Variants in CGNL1 observed in about 807,000 individuals in gnomAD.
CGNL1 encodes cingulin like 1.
Under a neutral mutation model 141.2 loss-of-function variants are expected in CGNL1, and 132 were observed. The ratio of observed to expected loss-of-function variants is 0.93; its 90% CI spans 0.81 to 1.08. The LOEUF (loss-of-function observed/expected upper bound fraction) is 1.08. Among genes scored for constraint, CGNL1 ranks in the 50% least tolerant of loss-of-function variants. CGNL1 has a pLI of 0.00. For synonymous variants in CGNL1, 690 were observed against 622.1 expected, an observed-to-expected ratio of 1.11 and a Z score of -1.63; for missense variants, 1,870 against 1,588.6, an observed-to-expected ratio of 1.18 and a Z score of -3.01.
At chr15:57,387,937 C>T (rs1445945953) in intron 1 of CGNL1, among the ~76,000 whole-genome samples, 1 of 152,250 alleles carries the variant, frequency 6.6e-6, no homozygotes, top group East Asian at 1.9e-4. Context: ...ACATTCTTGG[C>T]TATCCTGCCC....
chr15:57,483,240 A>C (rs549195081), intron 8 of CGNL1, among the ~76,000 whole-genome samples: 1 of 152,112 alleles, frequency 6.6e-6, no homozygotes, highest in African/African-American at 2.4e-5. Context: ...TGCTTTCATC[A>C]TTTGATTTTG....
chr15:57,523,985 A>T (rs1250914423), intron 11 of CGNL1, among the ~76,000 whole-genome samples: 1 of 152,162 alleles, frequency 6.6e-6, no homozygotes, highest in African/African-American at 2.4e-5. Flanking sequence ...TTGCTTGTCC[A>T]GGAGTGTGAA....
chr15:57,473,954 G>T (rs1056259868), intron 8 of CGNL1, among the ~76,000 whole-genome samples: 4 of 133,540 alleles, frequency 3.0e-5, no homozygotes, highest in Admixed American at 1.7e-4. Flanking sequence ...CTGTTGCCCA[G>T]GCTGGAGTGC....
intron 8 of CGNL1, among the ~76,000 whole-genome samples, chr15:57,464,939 A>G (rs2152337132): frequency 6.6e-6 from 1 of 151,684 alleles, no homozygotes; most frequent in East Asian, 1.9e-4. Flanking sequence ...TTTAGTAGAG[A>G]TGGGCTTTCG....
At position 57,419,012 on chromosome 15, in the gene CGNL1, C is replaced by A. The variant is rs995882142; in HGVS notation, c.-15-18973C>A. On this transcript the variant is annotated intron_variant, in intron 1 of 18. Transcript: ENST00000281282. Reference sequence around the variant, plus strand: ...GCGCAATCTCGGCTCACTGCAACCTCCGCCTCCCGGATTCAAGCAATTCTC... The same window carrying A: ...GCGCAATCTCGGCTCACTGCAACCTACGCCTCCCGGATTCAAGCAATTCTC... Among the ~76,000 whole-genome samples, 6 of 152,012 alleles carry A rather than the reference C, an allele frequency of 3.9e-5. No homozygotes were observed. The South Asian group carries it at 1.2e-3, about 31-fold the overall frequency.
intron 1 of CGNL1, among the ~76,000 whole-genome samples, chr15:57,392,579 A>G (rs1056378618): frequency 6.6e-6 from 1 of 152,222 alleles, no homozygotes; most frequent in Non-Finnish European, 1.5e-5. Context: ...GTCATTTCCT[A>G]CCTTTTCCTT....
chr15:57,487,706 T>C (rs1157944729), intron 8 of CGNL1, among the ~76,000 whole-genome samples: 3 of 152,240 alleles, frequency 2.0e-5, no homozygotes, highest in East Asian at 3.8e-4. Context: ...TTGAGAACTT[T>C]GCCTTTACTG....
intron 14 of CGNL1, among the ~76,000 whole-genome samples, chr15:57,533,951 C>T (rs2032104641): frequency 6.6e-6 from 1 of 152,214 alleles, no homozygotes; most frequent in Admixed American, 6.5e-5. Flanking sequence ...AGTCCCAGTC[C>T]TGGCTCCTGC....
Position 57,438,987 on chromosome 15 carries a change from G to A in CGNL1, c.988G>A (p.Glu330Lys). The change falls in exon 2 of 19, where the codon GAA becomes AAA. Residue 330 changes from glutamate to lysine, a missense_variant. Physicochemically the swap from Glu to Lys is moderately conservative, Grantham distance 56. Transcript: ENST00000281282. Reference protein sequence around the residue: ...AIHADNVNRHENRRYIPFLPG... With the variant: ...AIHADNVNRHKNRRYIPFLPG... ...CCATGCCGACAACGTCAATCGTCAT[G>A]AAAACAGAAGGTATATTCCCTTCCT... 1 of 1,614,218 alleles carries A rather than the reference G, an allele frequency of 6.2e-7. No individual in the cohort carries two copies. Among genetic ancestry groups the A allele is most frequent in the Non-Finnish European group, 8.5e-7 (1 of 1,180,038 alleles).
rs1347087162 is a variant in CGNL1, at chr15:57,381,624, T to C, written c.-16+5057T>C. ...TCGAGAGTACTCTGGTCTGTCTGAA[T>C]ACAAAGCTAAGTTCTCTCTACTGTT... On this transcript the variant is annotated intron_variant, in intron 1 of 18. Coordinates refer to ENST00000281282, the MANE Select transcript of CGNL1 (RefSeq NM_032866.5). Among the ~76,000 whole-genome samples, 5 of 152,178 alleles carry C rather than the reference T, an allele frequency of 3.3e-5. No homozygotes were observed. In the South Asian group the frequency reaches 1.0e-3, roughly 32 times the overall value.
chr15:57,478,486 C>G (rs1287587892), intron 8 of CGNL1, among the ~76,000 whole-genome samples: 2 of 152,208 alleles, frequency 1.3e-5, no homozygotes, highest in Non-Finnish European at 2.9e-5. Context: ...TGGATGGGAT[C>G]CTCTCACTGT....
intron 9 of CGNL1, among the ~76,000 whole-genome samples, chr15:57,517,996 T>TA (rs61279417): frequency 6.9e-4 from 102 of 147,352 alleles, no homozygotes; most frequent in African/African-American, 2.4e-3. Context: ...ATATTTCTAT[T>TA]AAAAAAAAAA....
chr15:57,401,863 C>T (rs1241658879), intron 1 of CGNL1, among the ~76,000 whole-genome samples: 2 of 152,128 alleles, frequency 1.3e-5, no homozygotes, highest in African/African-American at 4.8e-5. Flanking sequence ...CTCCCCTTCT[C>T]CTGTTGATGG....
chr15:57,516,991 G>C lies in CGNL1; in HGVS notation c.2610+5G>C. The C allele has an allele frequency of 6.2e-7, 1 of 1,610,878 alleles. No individual in the cohort carries two copies. The highest frequency in any genetic ancestry group is 8.5e-7 in the Non-Finnish European group (1 of 1,179,008). On this transcript the variant is annotated splice_donor_5th_base_variant and intron_variant, in intron 9 of 18. Coordinates refer to ENST00000281282, the MANE Select transcript of CGNL1 (RefSeq NM_032866.5). ...GAAACGCTGAAGAAGTACGAGGTGA[G>C]GCTCGCTGGGCCCAGGCCCAGCTTT... is the stretch of plus-strand genomic sequence containing the variant.
intron 1 of CGNL1, among the ~76,000 whole-genome samples, chr15:57,397,887 A>G (rs375036787): frequency 4.6e-4 from 70 of 151,690 alleles, no homozygotes; most frequent in African/African-American, 1.6e-3. Flanking sequence ...GGTTCAAGCC[A>G]TTCTCCTGTC....
chr15:57,378,140 A>C (rs533386469), intron 1 of CGNL1, among the ~76,000 whole-genome samples: 1 of 152,344 alleles, frequency 6.6e-6, no homozygotes, highest in South Asian at 2.1e-4. Flanking sequence ...AGTAGGACTA[A>C]GGAAAATGTA....
chr15:57,445,555 A>G (rs575691145), intron 4 of CGNL1, among the ~76,000 whole-genome samples: 1 of 152,300 alleles, frequency 6.6e-6, no homozygotes, highest in South Asian at 2.1e-4. Flanking sequence ...GGAAAGAACA[A>G]TGTATAATTT....
intron 1 of CGNL1, among the ~76,000 whole-genome samples, chr15:57,390,018 G>T (rs558087193): frequency 1.3e-5 from 2 of 152,330 alleles, no homozygotes; most frequent in African/African-American, 4.8e-5. Context: ...GTTTTGCCAT[G>T]TTGGCCGGGC....
At chr15:57,429,931 C>T (rs751144319) in intron 1 of CGNL1, among the ~76,000 whole-genome samples, 2 of 152,128 alleles carry the variant, frequency 1.3e-5, no homozygotes, top group African/African-American at 4.8e-5. Context: ...CTATCTCAGC[C>T]GCCTGAGTAG....
Sources: gnomAD v4.1 joint callset for allele counts (sites outside exome capture counted in the v4.1 genomes callset) on GRCh38, gnomAD v4.1.1 for gene constraint, MANE v1.5 for transcripts, NCBI Gene and HGNC (gene_info 2026-07-23, HGNC 2026-07-21) for gene names.